GPR107: variants seen among roughly 807,000 people sequenced by gnomAD.
The protein encoded by GPR107 is G protein-coupled receptor 107, also known as protein GPR107.
GPR107 carries 31 observed loss-of-function variants against 75.5 expected under a neutral mutation model. The observed-to-expected ratio is 0.41, with a 90% CI of 0.31 to 0.55. The LOEUF is 0.55. Ranked by LOEUF, GPR107 falls within the 20% of genes least tolerant of loss-of-function variation. GPR107 has a pLI of 0.26. For missense variants in GPR107, 572 were observed against 665.7 expected (o/e 0.86, Z 1.55); for synonymous variants, 267 against 251.3 (o/e 1.06, Z -0.59).
rs11442007 is a variant in GPR107 at position 130,056,924 on chromosome 9, C to CAAAAAAAAAAA, written c.141+2868_141+2878dup. On this transcript the variant is annotated intron_variant, in intron 1 of 17. Transcript: ENST00000347136. Reference sequence around the variant, plus strand: ...TGGGTGACAGAGCGAGACTCCTTCTCAAAAAAAAAAAAAAAAAAAAAAAAA... The same window carrying CAAAAAAAAAAA: ...TGGGTGACAGAGCGAGACTCCTTCTCAAAAAAAAAAAAAAAAAAAAAAAAAAAAAAAAAAAA... Among the ~76,000 whole-genome samples, 38 of 42,896 alleles carry CAAAAAAAAAAA rather than the reference C, an allele frequency of 8.9e-4. 3 individuals carry two copies. Among genetic ancestry groups the CAAAAAAAAAAA allele is most frequent in the African/African-American group, 3.9e-3 (34 of 8,646 alleles). 28.1% of individuals were successfully genotyped at this position (42,896 alleles called of 152,430 possible).
At chr9:130,109,364 T>G (rs926313002) in intron 14 of GPR107, among the ~76,000 whole-genome samples, 2 of 151,800 alleles carry the variant, frequency 1.3e-5, no homozygotes, top group Admixed American at 6.6e-5. Flanking sequence ...ACAGATGAGG[T>G]TTCACCACCT....
chr9:130,056,924 CAAAAAAAAAAAAA>C (rs11442007), intron 1 of GPR107, among the ~76,000 whole-genome samples: 2 of 42,896 alleles, frequency 4.7e-5, no homozygotes, highest in South Asian at 1.2e-3. Context: ...GACTCCTTCT[CAAAAAAAAAAAAA>C]AAAAAAAAAA....
intron 6 of GPR107, among the ~76,000 whole-genome samples, chr9:130,085,672 A>T (rs976175940): frequency 6.6e-6 from 1 of 150,786 alleles, no homozygotes; most frequent in African/African-American, 2.4e-5. Flanking sequence ...TATTCAGCAT[A>T]ATTACTTTGA....
rs565497240 is a variant in GPR107 at position 130,054,149 on chromosome 9, TG to T, written c.141+80del. ...GGGTTTTAGGGCAACTTTGGCCCAT[TG>T]GGGACCTCTGAGCCACTGGACCACC... is the stretch of plus-strand genomic sequence containing the variant. On this transcript the variant is annotated intron_variant, in intron 1 of 17. Coordinates refer to ENST00000347136, the MANE Select transcript of GPR107 (RefSeq NM_020960.5). 1.8e-3 allele frequency: 2,432 copies of T among 1,355,382 alleles called. 8 individuals are homozygous for T. The highest frequency in any genetic ancestry group is 2.1e-3 in the Non-Finnish European group (2,082 of 1,009,420). The allele number at this position is 1,355,382 out of a possible 1,614,324, so 84.0% of individuals were successfully genotyped here. A position where few individuals can be genotyped will look rare whatever the true frequency, so the allele number is the denominator to read the frequency against.
intron 15 of GPR107, among the ~76,000 whole-genome samples, chr9:130,125,630 C>G (rs550055879): frequency 2.2e-5 from 3 of 138,046 alleles, no homozygotes; most frequent in African/African-American, 8.0e-5. Flanking sequence ...GAGACGGAGT[C>G]TCGCTCTGTC....
In GPR107 at chr9:130,135,850, T is replaced by A. The variant is rs1364776093; in HGVS notation, c.*729T>A. On this transcript the variant is annotated 3_prime_UTR_variant, in exon 18 of 18. Transcript: ENST00000347136. ...AGGTGGTGGGAGGTGGTTTTCTGAC[T>A]GAGATGTTGCCTGATGGATGGAAAG... 5 of 152,228 alleles carry A rather than the reference T, an allele frequency of 3.3e-5. No individual in the cohort carries two copies. The highest frequency in any genetic ancestry group is 4.8e-5 in the African/African-American group (2 of 41,442). The allele number at this position is 152,228 out of a possible 1,614,324, so 9.4% of individuals were successfully genotyped here. A position where few individuals can be genotyped will look rare whatever the true frequency, so the allele number is the denominator to read the frequency against.
chr9:130,082,155 G>C (rs914460186), intron 5 of GPR107, among the ~76,000 whole-genome samples: 3 of 152,128 alleles, frequency 2.0e-5, no homozygotes, highest in Non-Finnish European at 4.4e-5. Context: ...CCATTCATGA[G>C]GGATATGTCC....
chr9:130,121,957 C>T lies in GPR107; in HGVS notation c.1307-2958C>T, dbSNP rs183890350. ...CCAGGCTGGAGTGCAGTGGCGTGAT[C>T]TCGGCTCACTGCAAGCTCTGCCTCC... On this transcript the variant is annotated intron_variant, in intron 14 of 17. Transcript: ENST00000347136. Among the ~76,000 whole-genome samples, 1,381 of 151,730 alleles carry T rather than the reference C, an allele frequency of 9.1e-3. 16 individuals carry two copies. The highest frequency in any genetic ancestry group is 0.032 in the African/African-American group (1,315 of 41,326).
intron 15 of GPR107, among the ~76,000 whole-genome samples, chr9:130,126,120 A>T (rs1369242467): frequency 3.3e-5 from 5 of 151,978 alleles, no homozygotes; most frequent in Non-Finnish European, 7.4e-5. Flanking sequence ...GCAGAAAACT[A>T]GTTACATGTT....
Position 130,107,523 on chromosome 9 carries a change from A to G in GPR107, c.1290A>G (p.Ser430=). Residue 430 remains serine, a synonymous_variant, in exon 14 of 18, where the codon TCA becomes TCG. Transcript: ENST00000347136. ...CAATCAGACATTTACAAGAAGCATC[A>G]GCAACAGATGGAAAAGGCAAGTTCT... ...VWSIRHLQEA[S]ATDGKAAINL... 1 of 1,601,482 alleles carries G rather than the reference A, an allele frequency of 6.2e-7. No individual in the cohort carries two copies. The highest frequency in any genetic ancestry group is 8.6e-7 in the Non-Finnish European group (1 of 1,168,368).
rs567389651 is a variant in GPR107, at chr9:130,129,722, G to A, written c.1562+961G>A. 3 of 152,426 alleles carry A rather than the reference G, an allele frequency of 2.0e-5. No homozygotes were observed. In the South Asian group the frequency reaches 6.2e-4, roughly 32 times the overall value. 9.4% of individuals were successfully genotyped at this position (152,426 alleles called of 1,614,324 possible). Reference sequence around the variant, plus strand: ...GGATCTGAGCAAGTGTCTGTTGGTTGAAGAGGCACACATGTCAGGCTGGCA... The same window carrying A: ...GGATCTGAGCAAGTGTCTGTTGGTTAAAGAGGCACACATGTCAGGCTGGCA... On this transcript the variant is annotated intron_variant, in intron 17 of 17. Coordinates refer to ENST00000347136, the MANE Select transcript of GPR107 (RefSeq NM_020960.5).
intron 15 of GPR107, among the ~76,000 whole-genome samples, chr9:130,126,814 A>AT (rs1215292303): frequency 1.3e-5 from 2 of 151,388 alleles, no homozygotes; most frequent in East Asian, 3.9e-4. Flanking sequence ...TTTCCCATGG[A>AT]TTTTATGTCA....
chr9:130,101,523 G>A (rs866402912), intron 12 of GPR107, among the ~76,000 whole-genome samples: 7 of 152,272 alleles, frequency 4.6e-5, no homozygotes, highest in Admixed American at 1.3e-4. Context: ...TGCATCATTT[G>A]CTTCATAACT....
At chr9:130,064,846 G>A (rs993326905) in intron 1 of GPR107, among the ~76,000 whole-genome samples, 1 of 152,118 alleles carries the variant, frequency 6.6e-6, no homozygotes, top group Admixed American at 6.6e-5. Context: ...TGAGGCAGCT[G>A]CAAACCAAGA....
intron 1 of GPR107, among the ~76,000 whole-genome samples, chr9:130,060,527 T>G (rs1016174449): frequency 1.3e-5 from 2 of 151,410 alleles, no homozygotes; most frequent in Non-Finnish European, 2.9e-5. Context: ...TCAAGCCATC[T>G]TCCCGTTTCA....
At position 130,096,098 on chromosome 9, in the gene GPR107, C is replaced by T. The variant is rs141911395; in HGVS notation, c.864-3359C>T. ...GAGCCGAGGTCAGTGAGTATTCTTT[C>T]CATCACATCTCTGCCCCATCGTAGA... On this transcript the variant is annotated intron_variant, in intron 9 of 17. Transcript: ENST00000347136. Among the ~76,000 whole-genome samples, 140 of 152,258 alleles carry T rather than the reference C, an allele frequency of 9.2e-4. 1 individual carries two copies. The Middle Eastern group carries it at 0.014, about 15-fold the overall frequency.
intron 14 of GPR107, among the ~76,000 whole-genome samples, chr9:130,108,007 T>A (rs550985582): frequency 1.3e-5 from 2 of 152,374 alleles, no homozygotes; most frequent in South Asian, 4.1e-4. Context: ...CCTTGAAAAC[T>A]ACCTGATATT....
chr9:130,060,561 A>T (rs1829906045), intron 1 of GPR107, among the ~76,000 whole-genome samples: 1 of 152,062 alleles, frequency 6.6e-6, no homozygotes, highest in Admixed American at 6.6e-5. Context: ...CTAAGACTAC[A>T]GATGCTTGCC....
intron 17 of GPR107, among the ~76,000 whole-genome samples, chr9:130,133,615 C>T (rs1262809705): frequency 6.6e-6 from 1 of 152,230 alleles, no homozygotes; most frequent in African/African-American, 2.4e-5. Flanking sequence ...GGGCAAGTGT[C>T]TTCCTAAAGA....
Sources: allele counts gnomAD v4.1 joint callset (sites outside exome capture counted in the v4.1 genomes callset), GRCh38; gene constraint gnomAD v4.1.1; transcripts MANE v1.5; gene names NCBI Gene and HGNC (gene_info 2026-07-23, HGNC 2026-07-21).